Variants in KLRD1 observed in about 807,000 individuals in gnomAD.
The protein encoded by KLRD1 is killer cell lectin like receptor D1, also known as natural killer cells antigen CD94.
A neutral mutation model predicts 22.6 loss-of-function variants in KLRD1; 21 were observed. The ratio of observed to expected loss-of-function variants is 0.93; its 90% CI spans 0.66 to 1.34. The LOEUF is 1.34. Among genes scored for constraint, KLRD1 ranks in the 40% most tolerant of loss-of-function variants. The pLI, the probability that KLRD1 is intolerant of heterozygous loss-of-function variation, is 0.00. For missense variants in KLRD1, 183 were observed against 208.6 expected (o/e 0.88, Z 0.76); for synonymous variants, 59 against 71.1 (o/e 0.83, Z 0.85).
chr12:10,310,151 G>A (rs530579069), intron 3 of KLRD1, among the ~76,000 whole-genome samples: 3 of 152,144 alleles, frequency 2.0e-5, no homozygotes, highest in Non-Finnish European at 2.9e-5. Flanking sequence ...TGCTCTTGTC[G>A]TCCAGGCTGG....
At chr12:10,243,638 A>AAGAT (rs1949263675) in intron 1 of KLRD1, among the ~76,000 whole-genome samples, 2 of 149,964 alleles carry the variant, frequency 1.3e-5, no homozygotes, top group Non-Finnish European at 3.0e-5. Flanking sequence ...AAAAAACCGA[A>AAGAT]ATGAAAGATA....
At chr12:10,270,630 G>T (rs1949540509) in intron 1 of KLRD1, among the ~76,000 whole-genome samples, 1 of 152,090 alleles carries the variant, frequency 6.6e-6, no homozygotes, top group Admixed American at 6.6e-5. Context: ...AAATTATTTT[G>T]CAGATTTAGG....
rs1184127461 is a variant in KLRD1, at chr12:10,286,661, GCTTT to G, written c.-100-21316_-100-21313del. On this transcript the variant is annotated intron_variant, in intron 1 of 5. Coordinates refer to the KLRD1 transcript ENST00000544747. ...ATCATCATTTTATTTCGCTTATGGT[GCTTT>G]TTTTTTTTTTTTTTTTTTTTTTTTA... is the stretch of plus-strand genomic sequence containing the variant. Among the ~76,000 whole-genome samples, 37 of 49,338 alleles carry G rather than the reference GCTTT, an allele frequency of 7.5e-4. 3 individuals are homozygous for G. Among genetic ancestry groups the G allele is most frequent in the East Asian group, 3.1e-3 (5 of 1,630 alleles). 32.4% of individuals were successfully genotyped at this position (49,338 alleles called of 152,430 possible).
intron 1 of KLRD1, among the ~76,000 whole-genome samples, chr12:10,272,666 A>G (rs1187119716): frequency 2.0e-5 from 3 of 152,222 alleles, no homozygotes; most frequent in African/African-American, 7.2e-5. Flanking sequence ...TCAGAATGAG[A>G]TGGGACCAAG....
At chr12:10,284,275 C>G (rs7961245) in intron 1 of KLRD1, among the ~76,000 whole-genome samples, 7,110 of 152,234 alleles carry the variant, frequency 0.047, 574 homozygotes, top group African/African-American at 0.16. Context: ...CTTGTCCAAT[C>G]TATACATAGG....
intron 1 of KLRD1, among the ~76,000 whole-genome samples, chr12:10,289,758 C>T (rs1219916934): frequency 2.6e-5 from 4 of 152,108 alleles, no homozygotes; most frequent in Non-Finnish European, 4.4e-5. Context: ...TGTATCTGGT[C>T]CATATCCATA....
At chr12:10,278,004 A>G (rs1483711423) in intron 1 of KLRD1, among the ~76,000 whole-genome samples, 4 of 152,224 alleles carry the variant, frequency 2.6e-5, no homozygotes, top group Admixed American at 6.5e-5. Flanking sequence ...TCTGGACATG[A>G]CAACACAGCG....
At chr12:10,289,224 C>T (rs1171653473) in intron 1 of KLRD1, among the ~76,000 whole-genome samples, 1 of 152,212 alleles carries the variant, frequency 6.6e-6, no homozygotes, top group African/African-American at 2.4e-5. Flanking sequence ...CAGTTCACCA[C>T]AGAGAAACTT....
intron 1 of KLRD1, among the ~76,000 whole-genome samples, chr12:10,295,730 C>A (rs1949815764): frequency 1.3e-5 from 2 of 151,900 alleles, no homozygotes; most frequent in African/African-American, 4.8e-5. Flanking sequence ...CAAAATATAT[C>A]ATTATTAATA....
intron 4 of KLRD1, among the ~76,000 whole-genome samples, chr12:10,312,887 G>A (rs778304594): frequency 2.6e-5 from 4 of 151,394 alleles, no homozygotes; most frequent in Admixed American, 6.6e-5. Context: ...CTCGGGAGGC[G>A]GAGGCAGGAG....
intron 1 of KLRD1, among the ~76,000 whole-genome samples, chr12:10,248,229 T>C (rs1253420930): frequency 2.0e-5 from 3 of 151,958 alleles, no homozygotes; most frequent in Admixed American, 6.6e-5. Flanking sequence ...ATTTTTCTAA[T>C]CCTGTTTTAA....
At chr12:10,239,895 G>A (rs1319819821) in intron 1 of KLRD1, among the ~76,000 whole-genome samples, 1 of 151,912 alleles carries the variant, frequency 6.6e-6, no homozygotes, top group African/African-American at 2.4e-5. Context: ...GCCCGCCTCA[G>A]CCTTCCAAAG....
At chr12:10,287,961 A>G (rs894540198) in intron 1 of KLRD1, among the ~76,000 whole-genome samples, 10 of 151,502 alleles carry the variant, frequency 6.6e-5, no homozygotes, top group South Asian at 2.1e-4. Context: ...CCAGCTACTC[A>G]GGAGGCTGAG....
At chr12:10,274,298 A>T (rs1949574208) in intron 1 of KLRD1, among the ~76,000 whole-genome samples, 1 of 152,130 alleles carries the variant, frequency 6.6e-6, no homozygotes, top group Non-Finnish European at 1.5e-5. Flanking sequence ...ATTTTTTTTT[A>T]AATGTTACAG....
Position 10,320,804 on chromosome 12 carries a change from T to G in KLRD1, c.*6011T>G, listed in dbSNP as rs1342679969. 1 of 152,154 alleles carries G rather than the reference T, an allele frequency of 6.6e-6. No individual in the cohort carries two copies. Among genetic ancestry groups the G allele is most frequent in the East Asian group, 1.9e-4 (1 of 5,188 alleles). 9.4% of individuals were successfully genotyped at this position (152,154 alleles called of 1,614,324 possible). On this transcript the variant is annotated 3_prime_UTR_variant, in exon 6 of 6. Transcript: ENST00000336164. ...AGAAAGAACACAAGTAGTGCCTCAA[T>G]TCAGTCAGATGAAGATCTATAAAGG...
At chr12:10,249,221 C>A (rs1034057297) in intron 1 of KLRD1, among the ~76,000 whole-genome samples, 48 of 152,080 alleles carry the variant, frequency 3.2e-4, no homozygotes, top group African/African-American at 1.1e-3. Flanking sequence ...TTGCTAACAT[C>A]CCTTACAGTA....
intron 1 of KLRD1, among the ~76,000 whole-genome samples, chr12:10,292,095 G>A (rs1409712926): frequency 2.6e-5 from 4 of 151,940 alleles, no homozygotes; most frequent in East Asian, 1.9e-4. Context: ...TAGTGAATGC[G>A]GCCACATCTT....
At chr12:10,239,285 G>T (rs12302171) in intron 1 of KLRD1, among the ~76,000 whole-genome samples, 12,654 of 152,096 alleles carry the variant, frequency 0.083, 660 homozygotes, top group East Asian at 0.17. Context: ...CTAGGAGCAC[G>T]GGTTCTAATA....
At chr12:10,240,880 A>G (rs1269550724) in intron 1 of KLRD1, among the ~76,000 whole-genome samples, 1 of 152,152 alleles carries the variant, frequency 6.6e-6, no homozygotes, top group African/African-American at 2.4e-5. Flanking sequence ...GCTTGCATGA[A>G]TTGAGTCATT....
Sources: gnomAD v4.1 joint callset for allele counts (sites outside exome capture counted in the v4.1 genomes callset) on GRCh38, gnomAD v4.1.1 for gene constraint, MANE v1.5 for transcripts, NCBI Gene and HGNC (gene_info 2026-07-23, HGNC 2026-07-21) for gene names.